LRRC4C: variants seen among roughly 807,000 people sequenced by gnomAD.
LRRC4C encodes leucine rich repeat containing 4C, also known as leucine-rich repeat-containing protein 4C.
A neutral mutation model predicts 33.6 loss-of-function variants in LRRC4C; 5 were observed. That is an observed-to-expected ratio of 0.15 (90% CI 0.08 to 0.31). The LOEUF is 0.31. Among genes scored for constraint, LRRC4C ranks in the 10% least tolerant of loss-of-function variants. The pLI, the probability that LRRC4C is intolerant of heterozygous loss-of-function variation, is 1.00. For missense variants in LRRC4C, 560 were observed against 796.7 expected (o/e 0.70, Z 3.58); for synonymous variants, 329 against 302.0 (o/e 1.09, Z -0.93).
chr11:40,482,460 T>A (rs1369837353), intron 3 of LRRC4C, among the ~76,000 whole-genome samples: 1 of 151,984 alleles, frequency 6.6e-6, no homozygotes, highest in Non-Finnish European at 1.5e-5. Context: ...TACAGGAATT[T>A]TTTTTTTTTG....
chr11:40,756,302 ATT>A (rs1368018974), intron 2 of LRRC4C, among the ~76,000 whole-genome samples: 1 of 152,046 alleles, frequency 6.6e-6, no homozygotes, highest in Admixed American at 6.6e-5. Context: ...GTTATAAATA[ATT>A]TTCAAGAACC....
intron 5 of LRRC4C, among the ~76,000 whole-genome samples, chr11:40,156,950 T>G (rs1032385051): frequency 6.6e-6 from 1 of 152,142 alleles, no homozygotes; most frequent in African/African-American, 2.4e-5. Context: ...AGAGCCCGTA[T>G]AGCCAAAGCA....
intron 1 of LRRC4C, among the ~76,000 whole-genome samples, chr11:41,119,718 T>C (rs74670778): frequency 0.052 from 7,908 of 152,260 alleles, 294 homozygotes; most frequent in Middle Eastern, 0.099. Context: ...TTATGAAATA[T>C]GTGTTTCCTG....
intron 5 of LRRC4C, among the ~76,000 whole-genome samples, chr11:40,218,859 T>C (rs1297785316): frequency 6.6e-6 from 1 of 152,008 alleles, no homozygotes; most frequent in Non-Finnish European, 1.5e-5. Context: ...CTCTGTTGCA[T>C]CCACACTGGC....
At chr11:40,936,878 T>C (rs1358458201) in intron 1 of LRRC4C, among the ~76,000 whole-genome samples, 15 of 152,146 alleles carry the variant, frequency 9.9e-5, no homozygotes, top group Admixed American at 9.8e-4. Context: ...AATTTGAAAT[T>C]AGAATTATAT....
chr11:40,778,166 C>T (rs1168333740), intron 2 of LRRC4C, among the ~76,000 whole-genome samples: 1 of 152,126 alleles, frequency 6.6e-6, no homozygotes, highest in African/African-American at 2.4e-5. Flanking sequence ...TGACTATGTA[C>T]TCAAATTTTT....
At chr11:40,263,958 G>T (rs563826229) in intron 4 of LRRC4C, among the ~76,000 whole-genome samples, 1 of 152,112 alleles carries the variant, frequency 6.6e-6, no homozygotes, top group African/African-American at 2.4e-5. Flanking sequence ...ATCCTTCCGC[G>T]CCCAGTCCTC....
At chr11:40,466,487 A>G (rs146895114) in intron 3 of LRRC4C, among the ~76,000 whole-genome samples, 7 of 152,082 alleles carry the variant, frequency 4.6e-5, no homozygotes, top group Admixed American at 2.6e-4. Context: ...AAATAAAGGC[A>G]GGCAGTTAAT....
At chr11:41,456,641 A>G (rs958641398) in intron 1 of LRRC4C, among the ~76,000 whole-genome samples, 1 of 152,122 alleles carries the variant, frequency 6.6e-6, no homozygotes, top group South Asian at 2.1e-4. Flanking sequence ...ATAACTCTGC[A>G]TATGTTGCTT....
chr11:41,313,967 A>G (rs1361039344), intron 1 of LRRC4C, among the ~76,000 whole-genome samples: 1 of 152,182 alleles, frequency 6.6e-6, no homozygotes, highest in Non-Finnish European at 1.5e-5. Context: ...TCTTGTAAAT[A>G]TATGAATAAT....
chr11:41,186,856 A>G (rs566086832), intron 1 of LRRC4C, among the ~76,000 whole-genome samples: 2 of 152,298 alleles, frequency 1.3e-5, no homozygotes, highest in African/African-American at 4.8e-5. Context: ...AGGATTTTCT[A>G]TGGCTTTAGC....
intron 1 of LRRC4C, among the ~76,000 whole-genome samples, chr11:41,065,182 A>G (rs960853034): frequency 6.6e-6 from 1 of 151,654 alleles, no homozygotes; most frequent in East Asian, 2.0e-4. Context: ...TCAGCGCAGC[A>G]GTCTGGAGTC....
At chr11:41,256,775 G>A (rs1948814903) in intron 1 of LRRC4C, among the ~76,000 whole-genome samples, 1 of 151,906 alleles carries the variant, frequency 6.6e-6, no homozygotes, top group African/African-American at 2.4e-5. Context: ...TAAGGCCATA[G>A]ACCATAAAAA....
intron 2 of LRRC4C, among the ~76,000 whole-genome samples, chr11:40,758,355 TC>T (rs1335832351): frequency 1.3e-5 from 2 of 152,002 alleles, no homozygotes; most frequent in Non-Finnish European, 2.9e-5. Flanking sequence ...TTGAGGGTCC[TC>T]TCCTCCTGCT....
At chr11:41,003,480 G>C (rs993077360) in intron 1 of LRRC4C, among the ~76,000 whole-genome samples, 2 of 152,056 alleles carry the variant, frequency 1.3e-5, no homozygotes, top group African/African-American at 2.4e-5. Flanking sequence ...TGGGGAATAC[G>C]GTATGGAGGC....
intron 2 of LRRC4C, among the ~76,000 whole-genome samples, chr11:40,876,260 G>GTTTTTTTTTTTTTTTTTTTTTTTTT (rs34351895): frequency 3.3e-5 from 3 of 91,296 alleles, no homozygotes; most frequent in Non-Finnish European, 6.0e-5. Flanking sequence ...CTCAGTTAGG[G>GTTTTTTTTTTTTTTTTTTTTTTTTT]TTTTTTTTTT....
intron 6 of LRRC4C, among the ~76,000 whole-genome samples, chr11:40,119,146 C>CT (rs1243670170): frequency 6.6e-6 from 1 of 152,064 alleles, no homozygotes; most frequent in Non-Finnish European, 1.5e-5. Flanking sequence ...AGAGAAGAGG[C>CT]TTTTTTCCCC....
intron 1 of LRRC4C, among the ~76,000 whole-genome samples, chr11:41,094,103 G>A (rs570770639): frequency 6.0e-5 from 9 of 149,412 alleles, no homozygotes; most frequent in Non-Finnish European, 1.0e-4. Context: ...GCGACAGAGC[G>A]AGACTCCGTA....
intron 2 of LRRC4C, among the ~76,000 whole-genome samples, chr11:40,686,197 A>G (rs1944946079): frequency 6.6e-6 from 1 of 152,074 alleles, no homozygotes; most frequent in Non-Finnish European, 1.5e-5. Flanking sequence ...TATCATCCAG[A>G]TGATAACAAT....
Sources: gnomAD v4.1 joint callset for allele counts (sites outside exome capture counted in the v4.1 genomes callset) on GRCh38, gnomAD v4.1.1 for gene constraint, MANE v1.5 for transcripts, NCBI Gene and HGNC (gene_info 2026-07-23, HGNC 2026-07-21) for gene names.